Variants in TRMT11 observed in about 807,000 individuals in gnomAD.
The protein encoded by TRMT11 is tRNA methyltransferase 11, also known as tRNA (guanine(10)-N(2))-methyltransferase TRMT11.
In TRMT11, 53 loss-of-function variants were observed where a neutral mutation model predicts 62.8. The ratio of observed to expected loss-of-function variants is 0.84; its 90% CI spans 0.68 to 1.06. The LOEUF (loss-of-function observed/expected upper bound fraction) is 1.06, where lower values mean the gene tolerates loss of function less well. Ranked by LOEUF, TRMT11 falls within the 50% of genes least tolerant of loss-of-function variation. TRMT11 has a pLI of 0.00. For synonymous variants in TRMT11, 188 were observed against 190.3 expected (o/e 0.99, Z 0.10); for missense variants, 556 against 553.4 (o/e 1.00, Z -0.05).
intron 21 of TRMT11, among the ~76,000 whole-genome samples, chr6:126,140,248 T>C (rs1777902281): frequency 6.6e-6 from 1 of 151,960 alleles, no homozygotes; most frequent in Admixed American, 6.6e-5. Flanking sequence ...TGATGTGTAA[T>C]TAAAAAAAAA....
At position 126,046,775 on chromosome 6, in the gene TRMT11, G is replaced by T. The variant is rs9491557; in HGVS notation, c.*1369+5930G>T. Reference sequence around the variant, plus strand: ...AGTTAACATGACCACAGGTCAACTTGTGGGTATGACCTGTTGAACCAATTT... The same window carrying T: ...AGTTAACATGACCACAGGTCAACTTTTGGGTATGACCTGTTGAACCAATTT... On this transcript the variant is annotated intron_variant and NMD_transcript_variant, in intron 16 of 22. Transcript: ENST00000648977. 3.0e-3 allele frequency among the ~76,000 whole-genome samples: 450 copies of T among 152,318 alleles called. 3 individuals carry two copies. The highest frequency in any genetic ancestry group is 9.7e-3 in the African/African-American group (402 of 41,568).
chr6:126,019,791 T>G (rs183604618), intron 11 of TRMT11, among the ~76,000 whole-genome samples: 27 of 152,318 alleles, frequency 1.8e-4, no homozygotes, highest in African/African-American at 5.8e-4. Context: ...AAAAAAGAAT[T>G]TATTCTTTCA....
chr6:125,998,256 A>G lies in TRMT11; in HGVS notation c.328A>G (p.Ile110Val). The change falls in exon 5 of 13, where the codon ATA becomes GTA. Residue 110 changes from isoleucine (I) to valine (V), a missense_variant. Coordinates refer to ENST00000334379, the MANE Select transcript of TRMT11 (RefSeq NM_001031712.3). ...PFLHSDSTYKIKIHTFNKTLT... is the reference protein window; with the variant it reads ...PFLHSDSTYKVKIHTFNKTLT... Reference sequence around the variant, plus strand: ...TCTACATTCGGACTCTACATATAAAATAAAGATTCACACTTTTAATAAGAC... The same window carrying G: ...TCTACATTCGGACTCTACATATAAAGTAAAGATTCACACTTTTAATAAGAC... The G allele has an allele frequency of 6.2e-7, 1 of 1,602,480 alleles. No individual in the cohort carries two copies. The highest frequency in any genetic ancestry group is 8.5e-7 in the Non-Finnish European group (1 of 1,170,230).
intron 21 of TRMT11, among the ~76,000 whole-genome samples, chr6:126,117,703 T>C (rs902376456): frequency 6.6e-6 from 1 of 152,088 alleles, no homozygotes; most frequent in African/African-American, 2.4e-5. Context: ...AACCCCGCCA[T>C]CTGATTAGGA....
intron 2 of TRMT11, among the ~76,000 whole-genome samples, 199 bp from the exon 3 acceptor site, chr6:125,995,768 T>C (rs952023871): frequency 6.6e-6 from 1 of 152,178 alleles, no homozygotes; most frequent in Non-Finnish European, 1.5e-5. Flanking sequence ...GTTTATAGGG[T>C]CATTATAAAA....
At chr6:126,105,230 T>C (rs917637277) in intron 17 of TRMT11, among the ~76,000 whole-genome samples, 5 of 152,190 alleles carry the variant, frequency 3.3e-5, no homozygotes, top group African/African-American at 9.7e-5. Context: ...TTTGCTTCTC[T>C]TAATTTATGA....
chr6:126,195,311 G>A lies in TRMT11; in HGVS notation n.144-3488G>A, dbSNP rs7773545. On this transcript the variant is annotated intron_variant and non_coding_transcript_variant, in intron 1 of 3. Coordinates refer to the TRMT11 transcript ENST00000444229. ...ATGATGAAAATAAGATAAATGAGTC[G>A]TAAGCAATATGAATATAATCTCTGC... Among the ~76,000 whole-genome samples, 220 of 152,118 alleles carry A rather than the reference G, an allele frequency of 1.4e-3. 3 individuals are homozygous for A. Among genetic ancestry groups the A allele is most frequent in the South Asian group, 2.7e-3 (13 of 4,822 alleles).
chr6:126,097,645 CT>C (rs1419484723), intron 17 of TRMT11, among the ~76,000 whole-genome samples: 1 of 151,666 alleles, frequency 6.6e-6, no homozygotes, highest in Non-Finnish European at 1.5e-5. Context: ...TGTTCTCAAA[CT>C]GTTTAATCAA....
intron 21 of TRMT11, among the ~76,000 whole-genome samples, chr6:126,136,467 T>C (rs1777851358): frequency 6.6e-6 from 1 of 151,662 alleles, no homozygotes; most frequent in South Asian, 2.1e-4. Flanking sequence ...GAAAAATCTC[T>C]GTGAGGCAAC....
chr6:126,212,180 A>C, the TRMT11 span, among the ~76,000 whole-genome samples: 1 of 152,174 alleles, frequency 6.6e-6, no homozygotes, highest in Non-Finnish European at 1.5e-5. Context: ...GCTGATGGAC[A>C]CTTAGCTTGT....
downstream of TRMT11, among the ~76,000 whole-genome samples, chr6:126,041,216 T>A (rs1363399111): frequency 6.6e-6 from 1 of 152,140 alleles, no homozygotes; most frequent in Admixed American, 6.5e-5. Context: ...TTTCAAGTTT[T>A]GTAGGGGAAA....
intron 1 of TRMT11, among the ~76,000 whole-genome samples, chr6:126,182,989 G>C (rs1189719886): frequency 6.6e-6 from 1 of 152,072 alleles, no homozygotes; most frequent in Non-Finnish European, 1.5e-5. Context: ...CCCCCTACAG[G>C]GAGGTGAGGT....
the TRMT11 span, among the ~76,000 whole-genome samples, chr6:126,251,008 A>G: frequency 6.7e-6 from 1 of 149,654 alleles, no homozygotes; most frequent in Non-Finnish European, 1.5e-5. Context: ...CCAGATCCCA[A>G]TTTGTTTTTT....
intron 12 of TRMT11, among the ~76,000 whole-genome samples, chr6:126,028,230 G>T (rs1773552150): frequency 6.6e-6 from 1 of 152,068 alleles, no homozygotes; most frequent in Non-Finnish European, 1.5e-5. Context: ...AAAGATTAGA[G>T]ATTAGATATG....
chr6:126,237,599 T>G, the TRMT11 span, among the ~76,000 whole-genome samples: 1 of 152,124 alleles, frequency 6.6e-6, no homozygotes, highest in Non-Finnish European at 1.5e-5. Context: ...GAGGATCACC[T>G]GAGCCTGGCA....
intron 17 of TRMT11, among the ~76,000 whole-genome samples, chr6:126,081,762 C>T (rs1160383323): frequency 6.6e-6 from 1 of 152,010 alleles, no homozygotes; most frequent in Non-Finnish European, 1.5e-5. Context: ...GAGAGGGGGC[C>T]CTGCAGCAAT....
At chr6:126,251,233 G>A in the TRMT11 span, among the ~76,000 whole-genome samples, 1 of 151,864 alleles carries the variant, frequency 6.6e-6, no homozygotes, top group East Asian at 1.9e-4. Context: ...GTTTCACCAT[G>A]TTGGCCAGGC....
intron 1 of TRMT11, among the ~76,000 whole-genome samples, chr6:126,185,243 C>A (rs1156605463): frequency 6.6e-6 from 1 of 152,128 alleles, no homozygotes; most frequent in African/African-American, 2.4e-5. Context: ...GTCAGTAGGA[C>A]TAGTATAGAT....
intron 17 of TRMT11, among the ~76,000 whole-genome samples, chr6:126,110,901 T>C (rs779226908): frequency 2.6e-5 from 4 of 152,114 alleles, no homozygotes; most frequent in Non-Finnish European, 4.4e-5. Context: ...TGTTTGAAAT[T>C]AGATAGCAAA....
Sources: allele counts gnomAD v4.1 joint callset (sites outside exome capture counted in the v4.1 genomes callset), GRCh38; gene constraint gnomAD v4.1.1; transcripts MANE v1.5; gene names NCBI Gene and HGNC (gene_info 2026-07-23, HGNC 2026-07-21).